WDPCP: variants seen among roughly 807,000 people sequenced by gnomAD.
WDPCP encodes the protein WD repeat containing planar cell polarity effector, also known as WD repeat-containing and planar cell polarity effector protein fritz homolog.
Under a neutral mutation model 93.1 loss-of-function variants are expected in WDPCP, and 71 were observed. The ratio of observed to expected loss-of-function variants is 0.76; its 90% CI spans 0.63 to 0.93. WDPCP has a LOEUF of 0.93. Ranked by LOEUF, WDPCP falls within the 40% of genes least tolerant of loss-of-function variation. The pLI, the probability that WDPCP is intolerant of heterozygous loss-of-function variation, is 0.00. For synonymous variants in WDPCP, 315 were observed against 315.0 expected, an observed-to-expected ratio of 1.00 and a Z score of 0.00; for missense variants, 844 against 887.4, an observed-to-expected ratio of 0.95 and a Z score of 0.62.
intron 1 of WDPCP, chr2:63,827,505 T>G (rs1442761867): frequency 6.6e-6 from 1 of 152,170 alleles, no homozygotes; most frequent in Non-Finnish European, 1.5e-5. Flanking sequence ...GATTCTATAA[T>G]AATTTATTTA....
chr2:63,127,662 C>CGTATAT (rs1491093410), intron 17 of WDPCP, among the ~76,000 whole-genome samples: 1 of 131,720 alleles, frequency 7.6e-6, no homozygotes, highest in South Asian at 2.5e-4. Context: ...TGTGTATGTG[C>CGTATAT]ATATATATAT....
intron 2 of WDPCP, among the ~76,000 whole-genome samples, chr2:63,742,666 A>G (rs55736914): frequency 0.056 from 8,297 of 148,198 alleles, 536 homozygotes; most frequent in African/African-American, 0.16. Flanking sequence ...ACTTGAGAGC[A>G]GTGATAACTA....
intron 2 of WDPCP, among the ~76,000 whole-genome samples, chr2:63,651,647 G>A (rs532304251): frequency 2.0e-4 from 31 of 152,226 alleles, no homozygotes; most frequent in African/African-American, 7.5e-4. Context: ...TTGCTCTTAA[G>A]GCCTTCAACT....
At chr2:63,554,831 A>T (rs529498470) in intron 1 of WDPCP, among the ~76,000 whole-genome samples, 1 of 152,292 alleles carries the variant, frequency 6.6e-6, no homozygotes, top group Non-Finnish European at 1.5e-5. Flanking sequence ...GGTGAGACCC[A>T]TGGAGACTGA....
intron 6 of WDPCP, among the ~76,000 whole-genome samples, chr2:63,463,118 G>A (rs1699127319): frequency 7.0e-6 from 1 of 142,964 alleles, no homozygotes. Flanking sequence ...ACACGGACCT[G>A]AAAAAGAAAT....
At chr2:63,197,537 C>T (rs1273846928) in intron 14 of WDPCP, among the ~76,000 whole-genome samples, 3 of 152,176 alleles carry the variant, frequency 2.0e-5, no homozygotes, top group Admixed American at 1.3e-4. Context: ...AATATTCATA[C>T]TCTTTGGCCT....
At chr2:63,215,761 G>T (rs1468841839) in intron 14 of WDPCP, among the ~76,000 whole-genome samples, 1 of 152,180 alleles carries the variant, frequency 6.6e-6, no homozygotes, top group Non-Finnish European at 1.5e-5. Context: ...ACTACCATCA[G>T]GGTGAACAGG....
chr2:63,606,009 C>A (rs1288034644), intron 3 of WDPCP: 1 of 1,614,032 alleles, frequency 6.2e-7, no homozygotes, highest in Non-Finnish European at 8.5e-7. Flanking sequence ...CTGCTCTACT[C>A]ATTCCCTGTT....
intron 14 of WDPCP, among the ~76,000 whole-genome samples, chr2:63,176,533 C>T (rs1341046873): frequency 1.3e-5 from 2 of 151,672 alleles, no homozygotes; most frequent in African/African-American, 2.4e-5. Flanking sequence ...AATCCTGCCT[C>T]CCAAAGTGCT....
At chr2:63,375,893 TG>T (rs1242679811) in intron 12 of WDPCP, among the ~76,000 whole-genome samples, 1 of 151,948 alleles carries the variant, frequency 6.6e-6, no homozygotes. Context: ...CCCTAATCTC[TG>T]TGGGGCAACT....
intron 12 of WDPCP, among the ~76,000 whole-genome samples, chr2:63,370,191 T>G (rs1691265985): frequency 6.6e-6 from 1 of 152,150 alleles, no homozygotes; most frequent in South Asian, 2.1e-4. Context: ...TTGGCAGGAA[T>G]CTAAAGAGCC....
At chr2:63,593,432 T>A, upstream of WDPCP, 1 of 385,938 alleles carries the variant, frequency 2.6e-6, no homozygotes, top group East Asian at 7.3e-5. Flanking sequence ...TTCTTTGACT[T>A]CTATGAGTGA....
At chr2:63,597,660 T>G (rs1466774683) in intron 3 of WDPCP, 1 of 1,230,050 alleles carries the variant, frequency 8.1e-7, no homozygotes, top group Admixed American at 3.4e-5. Context: ...CAAAATTATT[T>G]GCCCTTTTTT....
chr2:63,328,233 C>T (rs1243345554), intron 12 of WDPCP, among the ~76,000 whole-genome samples: 1 of 151,854 alleles, frequency 6.6e-6, no homozygotes, highest in Non-Finnish European at 1.5e-5. Context: ...GACCAATCAG[C>T]AGGATGTGGG....
chr2:63,243,496 TC>T (rs1680024316), intron 14 of WDPCP, among the ~76,000 whole-genome samples: 1 of 152,174 alleles, frequency 6.6e-6, no homozygotes, highest in Admixed American at 6.6e-5. Flanking sequence ...ATTGATAGTT[TC>T]TATTGCTGTG....
At chr2:63,400,782 C>A (rs2138793) in intron 10 of WDPCP, among the ~76,000 whole-genome samples, 1 of 151,984 alleles carries the variant, frequency 6.6e-6, no homozygotes, top group South Asian at 2.1e-4. Context: ...GTACTGGTAC[C>A]AAAACTGATA....
In WDPCP at chr2:63,433,872, C is replaced by T. The variant is rs547119553; in HGVS notation, c.698G>A (p.Cys233Tyr). The T allele has an allele frequency of 7.4e-6, 12 of 1,614,000 alleles. No individual in the cohort carries two copies. The African/African-American group carries it at 1.2e-4, about 16-fold the overall frequency. ...CCAGCAAACAACTCTATCATGAACA[C>T]AGTTGATAGCTAGATGTCGCTCTGT... ...KTTERHLAIN[C>Y]VHDRVVCWWP... The change falls in exon 9 of 18, where the codon TGT becomes TAT. Residue 233 changes from cysteine to tyrosine, a missense_variant. Coordinates refer to ENST00000272321, the MANE Select transcript of WDPCP (RefSeq NM_015910.7).
At chr2:63,368,101 A>G (rs1691059999) in intron 12 of WDPCP, among the ~76,000 whole-genome samples, 1 of 152,128 alleles carries the variant, frequency 6.6e-6, no homozygotes, top group Non-Finnish European at 1.5e-5. Flanking sequence ...AATCTACAGC[A>G]AGCTGAATAC....
In WDPCP at chr2:63,720,203, G is replaced by C. The variant is rs1459693386; in HGVS notation, n.309-69365C>G. On this transcript the variant is annotated intron_variant and non_coding_transcript_variant, in intron 2 of 4. Coordinates refer to the WDPCP transcript ENST00000467687. ...AGGCTGAGGCGGGTGGATTGCCTGAGCTCAGAAGTTCGAGACCAGCCTGGG... is the reference window on the plus strand; with the variant it reads ...AGGCTGAGGCGGGTGGATTGCCTGACCTCAGAAGTTCGAGACCAGCCTGGG... Among the ~76,000 whole-genome samples the C allele has an allele frequency of 2.0e-5, 3 of 152,048 alleles. No homozygotes were observed. In the East Asian group the frequency reaches 5.8e-4, roughly 29 times the overall value.
Sources: allele counts gnomAD v4.1 joint callset (sites outside exome capture counted in the v4.1 genomes callset), GRCh38; gene constraint gnomAD v4.1.1; transcripts MANE v1.5; gene names NCBI Gene and HGNC (gene_info 2026-07-23, HGNC 2026-07-21).